MAGI2: variants seen among roughly 807,000 people sequenced by gnomAD.
MAGI2 encodes membrane-associated guanylate kinase, WW and PDZ domain-containing protein 2.
In MAGI2, 35 loss-of-function variants were observed where a neutral mutation model predicts 133.3. That is an observed-to-expected ratio of 0.26 (90% CI 0.20 to 0.35). The LOEUF is 0.35. Among genes scored for constraint, MAGI2 ranks in the 10% least tolerant of loss-of-function variants. MAGI2 has a pLI of 1.00. For missense variants in MAGI2, 1,636 were observed against 1,863.4 expected, an observed-to-expected ratio of 0.88 and a Z score of 2.25; for synonymous variants, 729 against 710.6, an observed-to-expected ratio of 1.03 and a Z score of -0.41.
chr7:79,106,957 T>C (rs1227186314), intron 1 of MAGI2, among the ~76,000 whole-genome samples: 3 of 152,200 alleles, frequency 2.0e-5, no homozygotes, highest in Non-Finnish European at 2.9e-5. Flanking sequence ...TCTCAAAATG[T>C]GGTCCAAAGC....
At chr7:78,544,916 C>A (rs1480570676) in intron 3 of MAGI2, among the ~76,000 whole-genome samples, 1 of 151,730 alleles carries the variant, frequency 6.6e-6, no homozygotes, top group East Asian at 1.9e-4. Flanking sequence ...GCTTTGGCCT[C>A]CCGAAGGGCT....
chr7:79,392,546 CCTTT>C (rs1844736803), intron 1 of MAGI2, among the ~76,000 whole-genome samples: 1 of 152,164 alleles, frequency 6.6e-6, no homozygotes, highest in Non-Finnish European at 1.5e-5. Context: ...TTAATAATCA[CCTTT>C]CTTACTGGAG....
intron 1 of MAGI2, among the ~76,000 whole-genome samples, chr7:79,345,201 C>T (rs1182783395): frequency 6.6e-6 from 1 of 152,026 alleles, no homozygotes; most frequent in Non-Finnish European, 1.5e-5. Flanking sequence ...TCCAATATAA[C>T]TCATCATGTC....
intron 9 of MAGI2, among the ~76,000 whole-genome samples, chr7:78,314,197 G>T (rs937047981): frequency 6.6e-6 from 1 of 151,998 alleles, no homozygotes; most frequent in African/African-American, 2.4e-5. Context: ...AGAAGGCCTG[G>T]GTAGCTCAAG....
At chr7:79,433,836 C>T (rs1189816540) in intron 1 of MAGI2, among the ~76,000 whole-genome samples, 1 of 151,996 alleles carries the variant, frequency 6.6e-6, no homozygotes, top group Non-Finnish European at 1.5e-5. Flanking sequence ...GTCTACCAAC[C>T]AAACACATCA....
intron 1 of MAGI2, among the ~76,000 whole-genome samples, chr7:79,368,379 A>C (rs1202114820): frequency 6.6e-6 from 1 of 152,074 alleles, no homozygotes; most frequent in Non-Finnish European, 1.5e-5. Context: ...CAGATGATAC[A>C]CATTTGCAGC....
chr7:79,316,607 A>T (rs1016715299), intron 1 of MAGI2, among the ~76,000 whole-genome samples: 4 of 152,144 alleles, frequency 2.6e-5, no homozygotes, highest in African/African-American at 9.6e-5. Flanking sequence ...TGATTTTCTT[A>T]TTCGGAAGGT....
chr7:78,228,378 A>C (rs1177389757), intron 10 of MAGI2, among the ~76,000 whole-genome samples: 2 of 152,216 alleles, frequency 1.3e-5, no homozygotes, highest in Admixed American at 1.3e-4. Context: ...TTCTGAAGAA[A>C]TGAAGGCTAT....
At chr7:78,720,517 ATATAATT>A (rs1158503043) in intron 2 of MAGI2, among the ~76,000 whole-genome samples, 1 of 151,934 alleles carries the variant, frequency 6.6e-6, no homozygotes, top group East Asian at 1.9e-4. Context: ...TTATTTAGAT[ATATAATT>A]TATAATTTAT....
At chr7:78,860,504 G>T (rs1051661702) in intron 2 of MAGI2, among the ~76,000 whole-genome samples, 1 of 152,192 alleles carries the variant, frequency 6.6e-6, no homozygotes, top group Non-Finnish European at 1.5e-5. Flanking sequence ...GTTTGCTGGA[G>T]GTTCACTCCA....
chr7:79,431,616 T>C (rs1847783343), intron 1 of MAGI2, among the ~76,000 whole-genome samples: 1 of 152,192 alleles, frequency 6.6e-6, no homozygotes, highest in Non-Finnish European at 1.5e-5. Flanking sequence ...ATGTTTATGA[T>C]TTCAGCATGA....
chr7:78,489,802 AGTC>A lies in MAGI2; in HGVS notation c.1001_1003del (p.Arg334del). ...TTCTGGAGGTTTAGCCTTTTTCGCA[AGTC>A]GTGGATCCAGCCATGATGTTGTCTT... On this transcript the variant is annotated inframe_deletion, in exon 6 of 22. Coordinates refer to ENST00000354212, the MANE Select transcript of MAGI2 (RefSeq NM_012301.4). 1 of 1,612,994 alleles carries A rather than the reference AGTC, an allele frequency of 6.2e-7. No homozygotes were observed. The highest frequency in any genetic ancestry group is 8.5e-7 in the Non-Finnish European group (1 of 1,179,326).
At chr7:78,954,202 G>A (rs1400177001) in intron 2 of MAGI2, among the ~76,000 whole-genome samples, 3 of 152,018 alleles carry the variant, frequency 2.0e-5, no homozygotes, top group African/African-American at 4.8e-5. Context: ...TGTAAGCCCC[G>A]GAGAGCACTG....
intron 1 of MAGI2, among the ~76,000 whole-genome samples, chr7:79,439,991 A>T (rs866621079): frequency 3.9e-5 from 6 of 152,078 alleles, no homozygotes; most frequent in Admixed American, 3.3e-4. Context: ...AATAAAGATG[A>T]TCTTCATTTT....
intron 13 of MAGI2, among the ~76,000 whole-genome samples, chr7:78,179,828 T>G (rs545676006): frequency 9.7e-4 from 147 of 152,314 alleles, no homozygotes; most frequent in African/African-American, 3.4e-3. Context: ...TGCCTTACAT[T>G]CTATGAGACA....
intron 4 of MAGI2, among the ~76,000 whole-genome samples, chr7:78,507,896 A>C (rs894286563): frequency 6.6e-6 from 1 of 152,200 alleles, no homozygotes; most frequent in Non-Finnish European, 1.5e-5. Flanking sequence ...CCATAATTAA[A>C]CACCACAAAC....
chr7:78,656,314 A>G (rs935279277), intron 2 of MAGI2, among the ~76,000 whole-genome samples: 1 of 152,218 alleles, frequency 6.6e-6, no homozygotes, highest in Non-Finnish European at 1.5e-5. Flanking sequence ...ATGAATGGAT[A>G]AAGAAAATGT....
At chr7:78,838,770 A>C (rs1034400297) in intron 2 of MAGI2, among the ~76,000 whole-genome samples, 2 of 152,120 alleles carry the variant, frequency 1.3e-5, no homozygotes, top group African/African-American at 4.8e-5. Context: ...CACAAAACTA[A>C]TAGAATCAAT....
intron 9 of MAGI2, among the ~76,000 whole-genome samples, chr7:78,339,730 C>T (rs1790152340): frequency 6.6e-6 from 1 of 152,088 alleles, no homozygotes; most frequent in Non-Finnish European, 1.5e-5. Context: ...TGTGGATGCT[C>T]AGTAAAATAT....
Sources: gnomAD v4.1 joint callset for allele counts (sites outside exome capture counted in the v4.1 genomes callset) on GRCh38, gnomAD v4.1.1 for gene constraint, MANE v1.5 for transcripts, NCBI Gene and HGNC (gene_info 2026-07-23, HGNC 2026-07-21) for gene names.